Variants in ADGRL2 observed in about 807,000 individuals in gnomAD.
The protein encoded by ADGRL2 is calcium-independent alpha-latrotoxin receptor 2.
Under a neutral mutation model 157.4 loss-of-function variants are expected in ADGRL2, and 44 were observed. The observed-to-expected ratio is 0.28, with a 90% CI of 0.22 to 0.36. The LOEUF is 0.36. ADGRL2 is among the 10% of genes least tolerant of loss of function. The pLI, the probability that ADGRL2 is intolerant of heterozygous loss-of-function variation, is 1.00. For synonymous variants in ADGRL2, 585 were observed against 624.7 expected (o/e 0.94, Z 0.95); for missense variants, 1,510 against 1,768.9 (o/e 0.85, Z 2.63).
chr1:81,385,316 T>G (rs2076416483), intron 1 of ADGRL2, among the ~76,000 whole-genome samples: 1 of 152,076 alleles, frequency 6.6e-6, no homozygotes, highest in Non-Finnish European at 1.5e-5. Flanking sequence ...AAATACAGTT[T>G]GTGAGCTGGC....
At chr1:81,306,841 C>T (rs1659369983) in intron 1 of ADGRL2, among the ~76,000 whole-genome samples, 1 of 151,370 alleles carries the variant, frequency 6.6e-6, no homozygotes, top group African/African-American at 2.4e-5. Flanking sequence ...TGTATGCTGG[C>T]CAATAATAGC....
At chr1:81,504,178 C>T (rs1196251330) in intron 2 of ADGRL2, among the ~76,000 whole-genome samples, 3 of 152,174 alleles carry the variant, frequency 2.0e-5, no homozygotes, top group Admixed American at 6.5e-5. Context: ...CTGCTTCACA[C>T]GGACCATTCT....
At chr1:81,503,157 T>G in intron 2 of ADGRL2, 1 of 1,614,112 alleles carries the variant, frequency 6.2e-7, no homozygotes, top group Non-Finnish European at 8.5e-7. Context: ...AGCGCAACTT[T>G]TTCAGCATGG....
At chr1:81,467,149 G>A (rs919683392) in intron 2 of ADGRL2, among the ~76,000 whole-genome samples, 4 of 151,992 alleles carry the variant, frequency 2.6e-5, no homozygotes, top group African/African-American at 7.2e-5. Context: ...CTGAGGCTAC[G>A]ATACTTTATG....
intron 2 of ADGRL2, among the ~76,000 whole-genome samples, chr1:81,903,636 C>G (rs1188357841): frequency 6.6e-6 from 1 of 150,626 alleles, no homozygotes; most frequent in Non-Finnish European, 1.5e-5. Flanking sequence ...TAAGCCAGTG[C>G]CAGCACATAG....
At chr1:81,401,793 A>G (rs1473511100) in intron 1 of ADGRL2, among the ~76,000 whole-genome samples, 1 of 152,142 alleles carries the variant, frequency 6.6e-6, no homozygotes, top group Admixed American at 6.5e-5. Context: ...GTTATCTGTT[A>G]CGAGGACTAA....
At chr1:81,449,991 A>G in intron 2 of ADGRL2, among the ~76,000 whole-genome samples, 1 of 152,132 alleles carries the variant, frequency 6.6e-6, no homozygotes, top group East Asian at 1.9e-4. Context: ...AGGCTTATCA[A>G]GCACGAGCAT....
intron 1 of ADGRL2, among the ~76,000 whole-genome samples, chr1:81,358,180 A>G (rs924071080): frequency 8.5e-5 from 13 of 152,232 alleles, no homozygotes; most frequent in African/African-American, 3.1e-4. Flanking sequence ...TTGTGGAAAC[A>G]AGGTAGATTT....
chr1:81,984,360 T>G lies in ADGRL2; in HGVS notation c.3283-223T>G, dbSNP rs1483846766. 1.0e-5 allele frequency: 4 copies of G among 389,686 alleles called. No homozygotes were observed. In the Admixed American group the frequency reaches 1.2e-4, roughly 12 times the overall value. The allele number at this position is 389,686 out of a possible 1,614,324, so 24.1% of individuals were successfully genotyped here. A position where few individuals can be genotyped will look rare whatever the true frequency, so the allele number is the denominator to read the frequency against. On this transcript the variant is annotated intron_variant, in intron 19 of 23. Transcript: ENST00000686636. ...GAGTATGTCTACATGTTATATCACA[T>G]TTTAAAGACTCTACTAGCCAGTCTA...
chr1:81,359,109 T>C (rs1198273009), intron 1 of ADGRL2, among the ~76,000 whole-genome samples: 2 of 151,936 alleles, frequency 1.3e-5, no homozygotes, highest in Admixed American at 6.6e-5. Flanking sequence ...AAAGAAAATC[T>C]GTGTAGTTGG....
chr1:81,951,723 A>AT (rs1052471573), intron 8 of ADGRL2, among the ~76,000 whole-genome samples: 4 of 151,546 alleles, frequency 2.6e-5, no homozygotes, highest in Non-Finnish European at 4.4e-5. Flanking sequence ...TTGAGAAAGG[A>AT]TTTTTTTTCC....
chr1:81,642,837 T>G (rs1462393279), intron 3 of ADGRL2, among the ~76,000 whole-genome samples: 1 of 152,132 alleles, frequency 6.6e-6, no homozygotes, highest in Non-Finnish European at 1.5e-5. Flanking sequence ...AATCCCATGA[T>G]CGTGTCAATA....
chr1:81,598,100 T>C (rs767760210), intron 3 of ADGRL2, among the ~76,000 whole-genome samples: 3 of 152,158 alleles, frequency 2.0e-5, no homozygotes, highest in Non-Finnish European at 2.9e-5. Flanking sequence ...ACTGAGCATA[T>C]TCTCAGAGCC....
chr1:81,756,249 T>C (rs1222909388), intron 1 of ADGRL2, among the ~76,000 whole-genome samples: 1 of 152,156 alleles, frequency 6.6e-6, no homozygotes, highest in Non-Finnish European at 1.5e-5. Context: ...ACTAAGACCA[T>C]TTCAAAGTAC....
intron 1 of ADGRL2, among the ~76,000 whole-genome samples, chr1:81,312,279 G>T (rs550906782): frequency 3.3e-5 from 5 of 152,264 alleles, no homozygotes; most frequent in Non-Finnish European, 7.4e-5. Context: ...TTACCCGGGC[G>T]GACGCCATCA....
chr1:81,950,090 T>G, intron 6 of ADGRL2, 99 bp from the exon 7 acceptor site: 1 of 929,820 alleles, frequency 1.1e-6, no homozygotes, highest in Non-Finnish European at 1.7e-6. Flanking sequence ...ATGGGTAGGG[T>G]TTTGTGTGTG....
At chr1:81,577,288 C>T (rs1013761219) in intron 2 of ADGRL2, among the ~76,000 whole-genome samples, 12 of 152,180 alleles carry the variant, frequency 7.9e-5, no homozygotes, top group Non-Finnish European at 1.5e-5. Context: ...TGGCCACACT[C>T]ACCATTGAGA....
chr1:81,360,826 T>C (rs1190636173), intron 1 of ADGRL2, among the ~76,000 whole-genome samples: 1 of 152,018 alleles, frequency 6.6e-6, no homozygotes, highest in Admixed American at 6.6e-5. Flanking sequence ...CTTTATCTTT[T>C]ATATTCTTTC....
At chr1:81,524,153 G>A (rs1051302828) in intron 2 of ADGRL2, among the ~76,000 whole-genome samples, 3 of 151,886 alleles carry the variant, frequency 2.0e-5, no homozygotes, top group African/African-American at 7.3e-5. Flanking sequence ...GAGGTCAGGA[G>A]ATCGAGACCA....
Sources: allele counts gnomAD v4.1 joint callset (sites outside exome capture counted in the v4.1 genomes callset), GRCh38; gene constraint gnomAD v4.1.1; transcripts MANE v1.5; gene names NCBI Gene and HGNC (gene_info 2026-07-23, HGNC 2026-07-21).